The following TCAIM variants were observed in gnomAD, a reference collection of about 807,000 sequenced individuals.
TCAIM encodes T cell activation inhibitor, mitochondrial.
TCAIM carries 36 observed loss-of-function variants against 58.6 expected under a neutral mutation model. That is an observed-to-expected ratio of 0.61 (90% confidence interval 0.47 to 0.81). The LOEUF is 0.81. Ranked by LOEUF, TCAIM falls within the 30% of genes least tolerant of loss-of-function variation. TCAIM has a pLI of 0.00. For missense variants in TCAIM, 466 were observed against 579.6 expected (o/e 0.80, Z 2.01); for synonymous variants, 172 against 193.6 (o/e 0.89, Z 0.93).
intron 5 of TCAIM, among the ~76,000 whole-genome samples, chr3:44,386,265 T>G (rs976092998): frequency 2.0e-5 from 3 of 151,850 alleles, no homozygotes; most frequent in Non-Finnish European, 4.4e-5. Flanking sequence ...ATATAGTTCT[T>G]TCTACTCCTG....
chr3:44,378,609 A>G (rs1197571255), intron 5 of TCAIM, among the ~76,000 whole-genome samples: 1 of 150,842 alleles, frequency 6.6e-6, no homozygotes. Flanking sequence ...AAGGCTGTTC[A>G]AGAACAGCCT....
rs1702134285 is a variant in TCAIM, at chr3:44,408,479, T to C, written c.*797T>C. On this transcript the variant is annotated 3_prime_UTR_variant, in exon 11 of 11. Coordinates refer to ENST00000342649, the MANE Select transcript of TCAIM (RefSeq NM_173826.4). ...CATAAGCAGTCTGATAACCAGTTTATTGAAACGTGTGCATTAACAGAGAAT... is the reference window on the plus strand; with the variant it reads ...CATAAGCAGTCTGATAACCAGTTTACTGAAACGTGTGCATTAACAGAGAAT... The C allele has an allele frequency of 6.6e-6, 1 of 152,232 alleles. No individual in the cohort carries two copies. The highest frequency in any genetic ancestry group is 2.4e-5 in the African/African-American group (1 of 41,448). The allele number at this position is 152,232 out of a possible 1,614,324, so 9.4% of individuals were successfully genotyped here.
chr3:44,406,761 A>T (rs542766447), intron 10 of TCAIM, among the ~76,000 whole-genome samples: 1 of 152,158 alleles, frequency 6.6e-6, no homozygotes, highest in Admixed American at 6.5e-5. Flanking sequence ...TTGCTGAGTA[A>T]CTCATGTGTT....
intron 1 of TCAIM, chr3:44,341,315 A>G (rs1700850794): frequency 6.6e-6 from 1 of 152,180 alleles, no homozygotes; most frequent in Non-Finnish European, 1.5e-5. Context: ...ACTTTATTAT[A>G]TTCACTTTAG....
intron 5 of TCAIM, among the ~76,000 whole-genome samples, chr3:44,388,403 A>G (rs932886243): frequency 1.3e-5 from 2 of 152,074 alleles, no homozygotes; most frequent in East Asian, 3.9e-4. Context: ...ATTTTGTAGA[A>G]TGTCTTTCCA....
At chr3:44,357,168 G>A (rs753893043) in intron 2 of TCAIM, among the ~76,000 whole-genome samples, 1 of 152,068 alleles carries the variant, frequency 6.6e-6, no homozygotes, top group Non-Finnish European at 1.5e-5. Context: ...GCTTTGAGAG[G>A]GTAAGGCAGG....
intron 5 of TCAIM, among the ~76,000 whole-genome samples, chr3:44,380,873 A>G (rs1025642087): frequency 7.2e-5 from 11 of 152,190 alleles, no homozygotes; most frequent in African/African-American, 9.6e-5. Flanking sequence ...ACCATGGGCA[A>G]TTGTACACCA....
chr3:44,400,515 A>T lies in TCAIM; in HGVS notation c.1046A>T (p.Tyr349Phe), dbSNP rs200972043. ...EEYYSLLDVF[Y>F]NRLLKSRILF... Reference sequence around the variant, plus strand: ...TATTACTCTCTTCTTGATGTGTTTTATAATAGACTGTTGAAAAGTAGAATA... The same window carrying T: ...TATTACTCTCTTCTTGATGTGTTTTTTAATAGACTGTTGAAAAGTAGAATA... The change falls in exon 9 of 11, where the codon TAT becomes TTT. Residue 349 changes from tyrosine (Y) to phenylalanine (F), a missense_variant. Physicochemically the swap from Tyr to Phe is conservative, Grantham distance 22. Transcript: ENST00000342649. The T allele has an allele frequency of 3.1e-6, 5 of 1,613,674 alleles. No homozygotes were observed. In the Admixed American group the frequency reaches 6.7e-5, roughly 22 times the overall value.
intron 5 of TCAIM, among the ~76,000 whole-genome samples, chr3:44,389,077 G>A (rs1173144396): frequency 6.6e-6 from 1 of 152,218 alleles, no homozygotes; most frequent in Non-Finnish European, 1.5e-5. Context: ...GGATCACGAG[G>A]TCAGGAGTTC....
At chr3:44,392,710 T>G in intron 5 of TCAIM, 145 bp from the exon 6 acceptor site, 1 of 687,778 alleles carries the variant, frequency 1.5e-6, no homozygotes, top group Admixed American at 3.0e-5. Context: ...CCACATTTTC[T>G]TTACCCAATC....
chr3:44,398,294 G>A (rs1701967138), intron 8 of TCAIM, among the ~76,000 whole-genome samples: 1 of 152,100 alleles, frequency 6.6e-6, no homozygotes. Flanking sequence ...GCCGGGCATG[G>A]TGGCAGGCGC....
intron 1 of TCAIM, among the ~76,000 whole-genome samples, chr3:44,341,711 A>G (rs1233179930): frequency 6.6e-6 from 1 of 152,186 alleles, no homozygotes; most frequent in African/African-American, 2.4e-5. Flanking sequence ...ACACTCTGAC[A>G]TAATAATAGT....
intron 10 of TCAIM, among the ~76,000 whole-genome samples, chr3:44,405,301 TTAAA>T (rs1397872472): frequency 4.6e-5 from 7 of 152,170 alleles, no homozygotes; most frequent in Admixed American, 2.6e-4. Context: ...TTAAAATCAC[TTAAA>T]TAAGTTGGAA....
intron 3 of TCAIM, chr3:44,359,867 C>G (rs1575247320): frequency 6.6e-6 from 1 of 152,350 alleles, no homozygotes; most frequent in East Asian, 1.9e-4. Context: ...TTGGGGACCC[C>G]TGACACAATG....
chr3:44,352,983 G>T (rs893003624), intron 1 of TCAIM, among the ~76,000 whole-genome samples: 1 of 147,758 alleles, frequency 6.8e-6, no homozygotes, highest in African/African-American at 2.5e-5. Flanking sequence ...GTGCAAAGAC[G>T]CGATCTCGGC....
chr3:44,399,090 T>C (rs546937873), intron 8 of TCAIM, among the ~76,000 whole-genome samples: 1 of 151,858 alleles, frequency 6.6e-6, no homozygotes, highest in South Asian at 2.1e-4. Context: ...ACTGTGGCAG[T>C]GTCACACGGC....
At chr3:44,405,532 G>GT (rs778982682) in intron 10 of TCAIM, among the ~76,000 whole-genome samples, 2 of 152,140 alleles carry the variant, frequency 1.3e-5, no homozygotes, top group Non-Finnish European at 2.9e-5. Context: ...AATTAGCTGG[G>GT]TGTGGTGGTT....
intron 1 of TCAIM, among the ~76,000 whole-genome samples, chr3:44,348,671 G>A (rs1240677996): frequency 2.0e-5 from 3 of 152,158 alleles, no homozygotes; most frequent in Admixed American, 6.5e-5. Context: ...TTTGAGGGCC[G>A]GAATTTAATT....
chr3:44,350,205 T>G (rs376992473), intron 1 of TCAIM, among the ~76,000 whole-genome samples: 2 of 152,210 alleles, frequency 1.3e-5, no homozygotes, highest in East Asian at 3.9e-4. Context: ...AACGGGGTTG[T>G]TCTCTTGAGG....
Sources: allele counts gnomAD v4.1 joint callset (sites outside exome capture counted in the v4.1 genomes callset), GRCh38; gene constraint gnomAD v4.1.1; transcripts MANE v1.5; gene names NCBI Gene and HGNC (gene_info 2026-07-23, HGNC 2026-07-21).